The following MGST1 variants were observed in gnomAD, a reference collection of about 807,000 sequenced individuals.
MGST1 encodes the protein glutathione S-transferase 12.
A neutral mutation model predicts 8.9 loss-of-function variants in MGST1; 5 were observed. The ratio of observed to expected loss-of-function variants is 0.56; its 90% CI spans 0.29 to 1.19. The LOEUF (loss-of-function observed/expected upper bound fraction) is 1.19. Among genes scored for constraint, MGST1 ranks in the 50% most tolerant of loss-of-function variants. The probability of loss-of-function intolerance (pLI) is 0.08; values close to 1 mark genes in which losing one functional copy is unlikely to be tolerated. For synonymous variants in MGST1, 54 were observed against 67.8 expected (o/e 0.80, Z 1.00); for missense variants, 182 against 187.4 (o/e 0.97, Z 0.17).
At chr12:16,514,184 T>C (rs1941595556) in intron 4 of MGST1, 3 of 324,728 alleles carry the variant, frequency 9.2e-6, no homozygotes, top group African/African-American at 4.3e-5. Flanking sequence ...CTGCCAATTA[T>C]ACGCCATTGT....
chr12:16,430,734 G>T (rs1940931449), intron 1 of MGST1, among the ~76,000 whole-genome samples: 1 of 152,118 alleles, frequency 6.6e-6, no homozygotes, highest in African/African-American at 2.4e-5. Context: ...AGACAGAGTA[G>T]ATTTAGCATA....
At chr12:16,589,992 A>G (rs1300181262), downstream of MGST1, among the ~76,000 whole-genome samples, 1 of 152,066 alleles carries the variant, frequency 6.6e-6, no homozygotes, top group East Asian at 1.9e-4. This position sits in a 1 kb window ranked among gnomAD's most constrained non-coding sequence, Gnocchi z 4.2. Context: ...CCACCCATTC[A>G]TCCTGTACCT....
intron 4 of MGST1, among the ~76,000 whole-genome samples, chr12:16,469,373 G>A (rs1327842867): frequency 1.3e-5 from 2 of 152,010 alleles, no homozygotes; most frequent in East Asian, 3.9e-4. Flanking sequence ...ATTTTTAGTA[G>A]AGACAAGGTT....
At chr12:16,531,997 CTATG>C (rs1941726551) in intron 4 of MGST1, among the ~76,000 whole-genome samples, 1 of 152,082 alleles carries the variant, frequency 6.6e-6, no homozygotes, top group African/African-American at 2.4e-5. Context: ...TTGGCATCTC[CTATG>C]TGTCTGTCAA....
intron 4 of MGST1, among the ~76,000 whole-genome samples, chr12:16,538,678 G>C (rs1490766055): frequency 6.7e-6 from 1 of 149,006 alleles, no homozygotes; most frequent in African/African-American, 2.5e-5. Flanking sequence ...GCGAGATCTC[G>C]GCTCACTGCA....
At chr12:16,380,062 T>G (rs983189161), downstream of MGST1, among the ~76,000 whole-genome samples, 1 of 152,228 alleles carries the variant, frequency 6.6e-6, no homozygotes, top group African/African-American at 2.4e-5. Context: ...GCTAGCGGTC[T>G]ATCAATTTTG....
intron 1 of MGST1, among the ~76,000 whole-genome samples, chr12:16,412,381 T>G (rs1420875304): frequency 1.3e-5 from 2 of 152,204 alleles, no homozygotes; most frequent in African/African-American, 4.8e-5. Context: ...AGCTATTAAT[T>G]TTTTTCCTAA....
intron 4 of MGST1, among the ~76,000 whole-genome samples, chr12:16,564,460 G>C (rs374258114): frequency 2.0e-5 from 3 of 152,304 alleles, no homozygotes; most frequent in East Asian, 1.9e-4. Context: ...CTGCGGACTG[G>C]GGGTAGGGAA....
chr12:16,564,253 T>C (rs1226654765), intron 4 of MGST1, among the ~76,000 whole-genome samples: 1 of 152,176 alleles, frequency 6.6e-6, no homozygotes, highest in Non-Finnish European at 1.5e-5. Context: ...TGCCACACTG[T>C]AGTGAGCATG....
At chr12:16,442,054 C>T (rs943587317), downstream of MGST1, among the ~76,000 whole-genome samples, 1 of 151,848 alleles carries the variant, frequency 6.6e-6, no homozygotes, top group Non-Finnish European at 1.5e-5. The surrounding 1 kb of genome is among the most constrained non-coding windows in gnomAD (Gnocchi z 4.5). Flanking sequence ...TTGCATTTCT[C>T]AGATAACACA....
intron 4 of MGST1, among the ~76,000 whole-genome samples, chr12:16,575,004 TA>T (rs1459457454): frequency 1.1e-4 from 16 of 152,134 alleles, no homozygotes; most frequent in African/African-American, 3.6e-4. Context: ...TATGACAAAC[TA>T]GTAACAAAAA....
intron 4 of MGST1, among the ~76,000 whole-genome samples, chr12:16,496,571 G>T (rs192931276): frequency 1.3e-5 from 2 of 152,012 alleles, no homozygotes; most frequent in African/African-American, 4.8e-5. Flanking sequence ...GACTAATCCC[G>T]TCACCCGCAA....
Position 16,479,320 on chromosome 12 carries a change from C to G in MGST1, n.482+95716C>G, listed in dbSNP as rs568747285. 5.5e-5 allele frequency among the ~76,000 whole-genome samples: 8 copies of G among 145,748 alleles called. No homozygotes were observed. The East Asian group carries it at 1.6e-3, about 30-fold the overall frequency. Reference sequence around the variant, plus strand: ...CGCGATCTGGGCTCACTGCAAGCTCCGCCTCCCGGGTTCACGCCATTCTCC... The same window carrying G: ...CGCGATCTGGGCTCACTGCAAGCTCGGCCTCCCGGGTTCACGCCATTCTCC... On this transcript the variant is annotated intron_variant and non_coding_transcript_variant, in intron 4 of 4. Coordinates refer to the MGST1 transcript ENST00000538857.
downstream of MGST1, among the ~76,000 whole-genome samples, chr12:16,590,844 C>T (rs1000321476): frequency 5.3e-5 from 8 of 152,004 alleles, no homozygotes; most frequent in African/African-American, 1.9e-4. Flanking sequence ...GGCAACAGAT[C>T]ATCACGTGAC....
At chr12:16,463,081 C>G (rs1254045821) in intron 4 of MGST1, among the ~76,000 whole-genome samples, 1 of 152,136 alleles carries the variant, frequency 6.6e-6, no homozygotes, top group Non-Finnish European at 1.5e-5. Context: ...ACTTGTCAAT[C>G]TATTTTTTAA....
intron 4 of MGST1, among the ~76,000 whole-genome samples, chr12:16,501,819 G>T (rs1941507468): frequency 6.6e-6 from 1 of 151,914 alleles, no homozygotes; most frequent in South Asian, 2.1e-4. Flanking sequence ...AGAATTACTG[G>T]TTGCCCAAAT....
In MGST1 at chr12:16,414,357, C is replaced by CT. The variant is rs375736641; in HGVS notation, n.779-23012dup. Among the ~76,000 whole-genome samples the CT allele has an allele frequency of 8.7e-3, 897 of 103,134 alleles. 15 individuals are homozygous for CT. Among genetic ancestry groups the CT allele is most frequent in the African/African-American group, 0.028 (772 of 27,186 alleles). 67.7% of individuals were successfully genotyped at this position (103,134 alleles called of 152,430 possible). A position where few individuals can be genotyped will look rare whatever the true frequency, so the allele number is the denominator to read the frequency against. ...TGTTTTCCTCCGTATTACCTGATTT[C>CT]TTTTTTTTTTTTTTTTTTTAGGCCT... On this transcript the variant is annotated intron_variant and non_coding_transcript_variant, in intron 1 of 1. Transcript: ENST00000359720.
In MGST1 at chr12:16,481,972, A is replaced by G. The variant is rs143043591; in HGVS notation, n.482+98368A>G. ...AAATTGCGGAACACCACAGTAAAAGAGAGCTTAAAAAAGACTGGAGAGAAA... is the reference window on the plus strand; with the variant it reads ...AAATTGCGGAACACCACAGTAAAAGGGAGCTTAAAAAAGACTGGAGAGAAA... On this transcript the variant is annotated intron_variant and non_coding_transcript_variant, in intron 4 of 4. Coordinates refer to the MGST1 transcript ENST00000538857. 1.4e-4 allele frequency among the ~76,000 whole-genome samples: 22 copies of G among 152,354 alleles called. No individual in the cohort carries two copies. The East Asian group carries it at 3.7e-3, about 25-fold the overall frequency.
chr12:16,430,150 GTTA>G (rs1565453130), intron 1 of MGST1, among the ~76,000 whole-genome samples: 3 of 152,132 alleles, frequency 2.0e-5, no homozygotes, highest in African/African-American at 2.4e-5. Context: ...CTATTAAAGT[GTTA>G]TTATGAGGTT....
Sources: allele counts gnomAD v4.1 joint callset (sites outside exome capture counted in the v4.1 genomes callset), GRCh38; gene constraint gnomAD v4.1.1; non-coding constraint Gnocchi (gnomAD v3.1); transcripts MANE v1.5; gene names NCBI Gene and HGNC (gene_info 2026-07-23, HGNC 2026-07-21).